Variants in SND1 observed in about 807,000 individuals in gnomAD.
SND1 encodes the protein staphylococcal nuclease and tudor domain containing 1.
In SND1, 38 loss-of-function variants were observed where a neutral mutation model predicts 121.7. The observed-to-expected ratio is 0.31, with a 90% CI of 0.24 to 0.41. SND1 has a LOEUF of 0.41. Among genes scored for constraint, SND1 ranks in the 10% least tolerant of loss-of-function variants. The pLI is 1.00. For missense variants in SND1, 868 were observed against 1,184.6 expected, an observed-to-expected ratio of 0.73 and a Z score of 3.92; for synonymous variants, 401 against 447.4, an observed-to-expected ratio of 0.90 and a Z score of 1.31.
Position 128,029,367 on chromosome 7 carries a change from A to G in SND1, c.1779+38311A>G, listed in dbSNP as rs1792505515. 1 of 1,614,202 alleles carries G rather than the reference A, an allele frequency of 6.2e-7. No homozygotes were observed. ...GGAGTTGCCTGCAACATTGGTCACC[A>G]TGCATGTGTACACCCCAGTGTCTGA... On this transcript the variant is annotated intron_variant, in intron 16 of 23. Coordinates refer to ENST00000354725, the MANE Select transcript of SND1 (RefSeq NM_014390.4). This position sits in a 1 kb window ranked among gnomAD's most constrained non-coding sequence, Gnocchi z 4.2.
At chr7:128,080,781 C>T (rs772263814) in intron 17 of SND1, among the ~76,000 whole-genome samples, 5 of 152,098 alleles carry the variant, frequency 3.3e-5, no homozygotes, top group Non-Finnish European at 7.4e-5. Flanking sequence ...TTTGGTAGGC[C>T]TGGGGTAGGA....
chr7:127,731,292 A>G (rs953433373), intron 10 of SND1, among the ~76,000 whole-genome samples: 1 of 152,262 alleles, frequency 6.6e-6, no homozygotes, highest in African/African-American at 2.4e-5. Flanking sequence ...GGTTTTGGCC[A>G]TTGGGACATT....
At chr7:127,855,656 C>G (rs530167305) in intron 12 of SND1, among the ~76,000 whole-genome samples, 1 of 152,168 alleles carries the variant, frequency 6.6e-6, no homozygotes, top group South Asian at 2.1e-4. Context: ...TAAAGTGAGC[C>G]CTAAGCCCTC....
chr7:127,975,425 G>A (rs1401971224), intron 15 of SND1, among the ~76,000 whole-genome samples: 1 of 8,198 alleles, frequency 1.2e-4, no homozygotes, highest in African/African-American at 4.3e-3. Context: ...GACTCCCCTC[G>A]TGTGTGTGTG....
At chr7:127,949,110 A>G (rs1801401274) in intron 15 of SND1, 1 of 152,134 alleles carries the variant, frequency 6.6e-6, no homozygotes. Context: ...GCATTCCCTG[A>G]CTCATTTTAC....
chr7:127,924,166 C>T (rs761103920), intron 14 of SND1, among the ~76,000 whole-genome samples: 5 of 152,034 alleles, frequency 3.3e-5, no homozygotes, highest in African/African-American at 7.2e-5. Flanking sequence ...GGCAGTAGAG[C>T]ATATGCTTGC....
intron 10 of SND1, among the ~76,000 whole-genome samples, chr7:127,741,364 T>C (rs995729000): frequency 1.3e-5 from 2 of 152,234 alleles, no homozygotes; most frequent in Non-Finnish European, 2.9e-5. Context: ...TGAAATGCCC[T>C]TTTCCCCCTT....
intron 16 of SND1, among the ~76,000 whole-genome samples, chr7:128,050,081 C>G (rs935046274): frequency 3.3e-5 from 5 of 152,120 alleles, no homozygotes; most frequent in African/African-American, 1.2e-4. Context: ...GAAGACTGAA[C>G]CAGACATGCA....
chr7:127,997,696 G>T lies in SND1; in HGVS notation c.1779+6640G>T, dbSNP rs763637907. On this transcript the variant is annotated intron_variant, in intron 16 of 23. Transcript: ENST00000354725. ...TTCTTGATAACCTCTCCAACTTTAT[G>T]TCTCACCACCCCCACTCACTTCGTA... is the stretch of plus-strand genomic sequence containing the variant. 7.6e-6 allele frequency: 4 copies of T among 529,716 alleles called. No individual in the cohort carries two copies. In the East Asian group the frequency reaches 2.2e-4, roughly 29 times the overall value. 32.8% of individuals were successfully genotyped at this position (529,716 alleles called of 1,614,324 possible). A position where few individuals can be genotyped will look rare whatever the true frequency, so the allele number is the denominator to read the frequency against.
chr7:127,888,040 G>A, intron 13 of SND1, 28 bp downstream of exon 13: 1 of 1,507,044 alleles, frequency 6.6e-7, no homozygotes, highest in Non-Finnish European at 9.2e-7. Context: ...TAAACACATG[G>A]GGAACCCACA....
At chr7:127,800,090 G>A (rs896406450) in intron 10 of SND1, among the ~76,000 whole-genome samples, 1 of 152,180 alleles carries the variant, frequency 6.6e-6, no homozygotes, top group Non-Finnish European at 1.5e-5. Context: ...GAATTGAAAG[G>A]TCCTTAATTG....
At chr7:127,857,359 A>ATTT (rs34235946) in intron 12 of SND1, among the ~76,000 whole-genome samples, 1 of 113,154 alleles carries the variant, frequency 8.8e-6, no homozygotes, top group African/African-American at 3.5e-5. Context: ...CCCCCGGCTA[A>ATTT]TTTTTTTTTT....
intron 10 of SND1, among the ~76,000 whole-genome samples, chr7:127,751,306 T>A (rs145073035): frequency 6.6e-6 from 1 of 152,318 alleles, no homozygotes; most frequent in Non-Finnish European, 1.5e-5. Flanking sequence ...GATTTTGGCT[T>A]GTCTCCGATA....
intron 15 of SND1, among the ~76,000 whole-genome samples, chr7:127,942,972 CTT>C (rs1250566241): frequency 6.6e-6 from 1 of 152,162 alleles, no homozygotes. Flanking sequence ...TTCTGAGCCT[CTT>C]ACGTGGATCC....
chr7:128,036,955 A>G (rs1167753095), intron 16 of SND1, among the ~76,000 whole-genome samples: 1 of 152,202 alleles, frequency 6.6e-6, no homozygotes, highest in African/African-American at 2.4e-5. Flanking sequence ...GGTACTTGGT[A>G]CTGTGTTAAG....
At chr7:127,773,369 G>T (rs578179476) in intron 10 of SND1, among the ~76,000 whole-genome samples, 3 of 151,912 alleles carry the variant, frequency 2.0e-5, no homozygotes, top group African/African-American at 4.8e-5. Context: ...GAGGAATCGC[G>T]TGAATCCGGG....
At chr7:127,850,483 G>A (rs1041612885) in intron 12 of SND1, among the ~76,000 whole-genome samples, 10 of 152,198 alleles carry the variant, frequency 6.6e-5, no homozygotes, top group Non-Finnish European at 1.5e-4. Flanking sequence ...CAGTGGCTCT[G>A]CCGGGAGGTA....
intron 14 of SND1, among the ~76,000 whole-genome samples, chr7:127,915,652 A>G (rs142442575): frequency 6.6e-6 from 1 of 152,348 alleles, no homozygotes; most frequent in African/African-American, 2.4e-5. Flanking sequence ...TACAATTGTA[A>G]TGGGAGTACA....
At chr7:127,678,876 A>T (rs1382060716) in intron 1 of SND1, among the ~76,000 whole-genome samples, 1 of 152,126 alleles carries the variant, frequency 6.6e-6, no homozygotes, top group Non-Finnish European at 1.5e-5. Context: ...ATCCATTAGG[A>T]CCAAACTTTG....
Sources: allele counts gnomAD v4.1 joint callset (sites outside exome capture counted in the v4.1 genomes callset), GRCh38; gene constraint gnomAD v4.1.1; non-coding constraint Gnocchi (gnomAD v3.1); transcripts MANE v1.5; gene names NCBI Gene and HGNC (gene_info 2026-07-23, HGNC 2026-07-21).